The following NGFR variants were observed in gnomAD, a reference collection of about 807,000 sequenced individuals.
NGFR encodes the protein tumor necrosis factor receptor superfamily member 16.
A neutral mutation model predicts 43.2 loss-of-function variants in NGFR; 30 were observed. The ratio of observed to expected loss-of-function variants is 0.69; its 90% CI spans 0.52 to 0.94. NGFR has a LOEUF of 0.94. NGFR is among the 40% of genes least tolerant of loss of function. NGFR has a pLI of 0.00. For missense variants in NGFR, 529 were observed against 602.5 expected (o/e 0.88, Z 1.28); for synonymous variants, 246 against 259.6 (o/e 0.95, Z 0.50).
intron 2 of NGFR, among the ~76,000 whole-genome samples, chr17:49,503,435 G>A (rs138156367): frequency 1.3e-4 from 20 of 152,252 alleles, no homozygotes; most frequent in African/African-American, 2.2e-4. Context: ...CCTGGCACTC[G>A]ATGCCCACCT....
In NGFR at chr17:49,506,527, G is replaced by A; in HGVS notation, c.437G>A (p.Cys146Tyr). The stretch of plus-strand genomic sequence containing the variant: ...TGCCAGGACAAGCAGAACACCGTGT[G>A]CGAGGAGTGCCCCGACGGCACGTAT... ...FSCQDKQNTV[C>Y]EECPDGTYSD... Residue 146 changes from cysteine (C) to tyrosine (Y), a missense_variant, in exon 3 of 6, where the codon TGC becomes TAC. Coordinates refer to ENST00000172229, the MANE Select transcript of NGFR (RefSeq NM_002507.4). The A allele has an allele frequency of 6.2e-7, 1 of 1,611,900 alleles. No individual in the cohort carries two copies.
chr17:49,512,880 C>T lies in NGFR; in HGVS notation c.1155C>T (p.Ala385=). 6 of 1,613,200 alleles carry T rather than the reference C, an allele frequency of 3.7e-6. No homozygotes were observed. The highest frequency in any genetic ancestry group is 5.1e-6 in the Non-Finnish European group (6 of 1,179,856). Residue 385 remains alanine (A), a synonymous_variant, in exon 6 of 6, where the codon GCC becomes GCT. Coordinates refer to ENST00000172229, the MANE Select transcript of NGFR (RefSeq NM_002507.4). This position sits in a 1 kb window ranked among gnomAD's most constrained non-coding sequence, Gnocchi z 5.2. ...CCCATGAGGCCTGCCCCGTTCGCGC[C>T]CTGCTTGCAAGCTGGGCCACCCAGG... is the stretch of plus-strand genomic sequence containing the variant. ...SFTHEACPVR[A]LLASWATQDS...
At chr17:49,503,975 G>C (rs1489285487) in intron 2 of NGFR, among the ~76,000 whole-genome samples, 1 of 152,146 alleles carries the variant, frequency 6.6e-6, no homozygotes, top group Non-Finnish European at 1.5e-5. Context: ...GAGGCAGGCA[G>C]AGAGGTGGCT....
chr17:49,498,767 A>G (rs2071152315), intron 1 of NGFR, among the ~76,000 whole-genome samples: 1 of 152,226 alleles, frequency 6.6e-6, no homozygotes, highest in South Asian at 2.1e-4. Context: ...TAAGTGTAAC[A>G]CATACAAATT....
chr17:49,506,549 G>T lies in NGFR; in HGVS notation c.459G>T (p.Thr153=). 6.2e-7 allele frequency: 1 copy of T among 1,611,742 alleles called. No individual in the cohort carries two copies. Among genetic ancestry groups the T allele is most frequent in the East Asian group, 2.2e-5 (1 of 44,850 alleles). The part of the protein sequence containing the change: ...NTVCEECPDG[T]YSDEANHVDP... ...TGTGCGAGGAGTGCCCCGACGGCAC[G>T]TATTCCGACGAGGCCAACCACGTGG... The change falls in exon 3 of 6, where the codon ACG becomes ACT. Residue 153 remains threonine (T), a synonymous_variant. Transcript: ENST00000172229.
chr17:49,502,162 C>G lies in NGFR; in HGVS notation c.166C>G (p.Pro56Ala), dbSNP rs1358588774. The G allele has an allele frequency of 7.4e-6, 12 of 1,611,714 alleles. No homozygotes were observed. The highest frequency in any genetic ancestry group is 1.1e-5 in the South Asian group (1 of 90,960). Residue 56 changes from proline (P) to alanine (A), a missense_variant, in exon 2 of 6, where the codon CCT becomes GCT. Coordinates refer to ENST00000172229, the MANE Select transcript of NGFR (RefSeq NM_002507.4). ...CAACCTGGGCGAGGGTGTGGCCCAG[C>G]CTTGTGGAGCCAACCAGACCGTGTG... Reference protein sequence around the residue: ...ACNLGEGVAQPCGANQTVCEP... With the variant: ...ACNLGEGVAQACGANQTVCEP...
Position 49,512,048 on chromosome 17 carries a change from C to T in NGFR, c.978C>T (p.Gly326=). The T allele has an allele frequency of 6.2e-7, 1 of 1,612,930 alleles. No homozygotes were observed. Among genetic ancestry groups the T allele is most frequent in the South Asian group, 1.1e-5 (1 of 90,934 alleles). ...AGCCCCACACGCAGACAGCCTCGGG[C>T]CAGGGTGAGCAGCGGCCCGCTGGGG... ...DQQPHTQTAS[G]QALKGDGGLY... is the part of the protein sequence containing the mutation. The change falls in exon 5 of 6, where the codon GGC becomes GGT. Residue 326 remains glycine (G), a synonymous_variant. Coordinates refer to ENST00000172229, the MANE Select transcript of NGFR (RefSeq NM_002507.4). The surrounding 1 kb of genome is among the most constrained non-coding windows in gnomAD (Gnocchi z 5.2).
chr17:49,501,999 A>ATGGCCCCCCCCCCCC, intron 1 of NGFR, 64 bp from the exon 2 acceptor site: 16 of 330,980 alleles, frequency 4.8e-5, no homozygotes, highest in Non-Finnish European at 7.0e-5. Flanking sequence ...TCCCCGGAAG[A>ATGGCCCCCCCCCCCC]ACCCCCCCCA....
rs1272269474 is a variant in NGFR at position 49,513,262 on chromosome 17, C to G, written c.*253C>G. On this transcript the variant is annotated 3_prime_UTR_variant, in exon 6 of 6. Transcript: ENST00000172229. ...GCTGCCTCCCCAACCCTGCCCCTGC[C>G]CCGTCACCATCTCAGGCCACCTGCC... 2.0e-6 allele frequency: 1 copy of G among 497,856 alleles called. No individual in the cohort carries two copies. Among genetic ancestry groups the G allele is most frequent in the Non-Finnish European group, 3.5e-6 (1 of 283,756 alleles). The allele number at this position is 497,856 out of a possible 1,614,324, so 30.8% of individuals were successfully genotyped here. A position where few individuals can be genotyped will look rare whatever the true frequency, so the allele number is the denominator to read the frequency against.
At chr17:49,501,389 C>A (rs2071166157) in intron 1 of NGFR, among the ~76,000 whole-genome samples, 1 of 152,242 alleles carries the variant, frequency 6.6e-6, no homozygotes, top group Non-Finnish European at 1.5e-5. Flanking sequence ...GCCCTGGCAC[C>A]AGGCTGTTGC....
chr17:49,506,059 G>C, intron 2 of NGFR: 1 of 669,404 alleles, frequency 1.5e-6, no homozygotes, highest in Non-Finnish European at 2.3e-6. Flanking sequence ...CCTCCCGGCC[G>C]GCCAGTGCTT....
Position 49,513,350 on chromosome 17 carries a change from G to A in NGFR, c.*341G>A. On this transcript the variant is annotated 3_prime_UTR_variant, in exon 6 of 6. Coordinates refer to ENST00000172229, the MANE Select transcript of NGFR (RefSeq NM_002507.4). ...ACCACAGCAGGTGTCATATATGGGG[G>A]GCCAACACCAGGGATGGTACTAGGG... 1 of 323,924 alleles carries A rather than the reference G, an allele frequency of 3.1e-6. No individual in the cohort carries two copies. Among genetic ancestry groups the A allele is most frequent in the South Asian group, 6.2e-5 (1 of 16,030 alleles). 20.1% of individuals were successfully genotyped at this position (323,924 alleles called of 1,614,324 possible). A position where few individuals can be genotyped will look rare whatever the true frequency, so the allele number is the denominator to read the frequency against.
At chr17:49,506,231 G>A (rs1017974120) in intron 2 of NGFR, 68 bp from the exon 3 acceptor site, 1 of 1,502,240 alleles carries the variant, frequency 6.7e-7, no homozygotes, top group Admixed American at 2.1e-5. Context: ...GGGAGGGAGA[G>A]ACTCCAGCTC....
At chr17:49,505,136 C>G (rs2071189493) in intron 2 of NGFR, among the ~76,000 whole-genome samples, 1 of 152,004 alleles carries the variant, frequency 6.6e-6, no homozygotes, top group Admixed American at 6.6e-5. Context: ...CTCATCCCCC[C>G]ACCACACCCC....
At position 49,506,712 on chromosome 17, in the gene NGFR, C is replaced by T. The variant is rs1252838384; in HGVS notation, c.568+54C>T. 8 of 1,291,374 alleles carry T rather than the reference C, an allele frequency of 6.2e-6. No homozygotes were observed. The South Asian group carries it at 1.1e-4, about 18-fold the overall frequency. The allele number at this position is 1,291,374 out of a possible 1,614,324, so 80.0% of individuals were successfully genotyped here. ...TGGGGGTGCGGGGGTGGGCTGGGGGCATAAGGAAGGGCGCTCTCTGGAGGT... is the reference window on the plus strand; with the variant it reads ...TGGGGGTGCGGGGGTGGGCTGGGGGTATAAGGAAGGGCGCTCTCTGGAGGT... On this transcript the variant is annotated intron_variant, in intron 3 of 5. Coordinates refer to ENST00000172229, the MANE Select transcript of NGFR (RefSeq NM_002507.4).
chr17:49,495,330 G>C lies in NGFR; in HGVS notation c.-88G>C, dbSNP rs534686344. ...GCCGCGGCCAGCTCCGGCGGGCAGG[G>C]GGGGCGCTGGAGCGCAGCGCAGCGC... is the stretch of plus-strand genomic sequence containing the variant. On this transcript the variant is annotated 5_prime_UTR_variant, in exon 1 of 6. Transcript: ENST00000172229. The surrounding 1 kb of genome is among the most constrained non-coding windows in gnomAD (Gnocchi z 6.4). 15 of 1,078,950 alleles carry C rather than the reference G, an allele frequency of 1.4e-5. No homozygotes were observed. The highest frequency in any genetic ancestry group is 6.8e-4 in the Middle Eastern group (2 of 2,942). 66.8% of individuals were successfully genotyped at this position (1,078,950 alleles called of 1,614,324 possible).
chr17:49,502,000 A>AGGGGG, intron 1 of NGFR, 63 bp from the exon 2 acceptor site: 7 of 264,882 alleles, frequency 2.6e-5, no homozygotes, highest in Non-Finnish European at 4.7e-5. Context: ...CCCCGGAAGA[A>AGGGGG]CCCCCCCCAA....
chr17:49,512,985 G>A lies in NGFR; in HGVS notation c.1260G>A (p.Glu420=). 6.3e-7 allele frequency: 1 copy of A among 1,587,234 alleles called. No individual in the cohort carries two copies. Among genetic ancestry groups the A allele is most frequent in the Non-Finnish European group, 8.6e-7 (1 of 1,164,992 alleles). ...ACCTCGTGGAGAGTCTGTGCAGTGAGTCCACTGCCACATCCCCGGTGTGAG... is the reference window on the plus strand; with the variant it reads ...ACCTCGTGGAGAGTCTGTGCAGTGAATCCACTGCCACATCCCCGGTGTGAG... The part of the protein sequence containing the change: ...RADLVESLCS[E]STATSPV The change falls in exon 6 of 6, where the codon GAG becomes GAA. Residue 420 remains glutamate (E), a synonymous_variant. Transcript: ENST00000172229. The surrounding 1 kb of genome is among the most constrained non-coding windows in gnomAD (Gnocchi z 5.2).
chr17:49,502,007 C>T lies in NGFR; in HGVS notation c.67-56C>T, dbSNP rs1014560387. The T allele has an allele frequency of 2.2e-5, 15 of 667,464 alleles. 2 individuals are homozygous for T. The highest frequency in any genetic ancestry group is 5.8e-5 in the Admixed American group (2 of 34,760). The allele number at this position is 667,464 out of a possible 1,614,324, so 41.3% of individuals were successfully genotyped here. A position where few individuals can be genotyped will look rare whatever the true frequency, so the allele number is the denominator to read the frequency against. The stretch of plus-strand genomic sequence containing the variant: ...GTTTGATTCCCCGGAAGAACCCCCC[C>T]CAACCCACCCCAGCTTTCTCTTGCC... On this transcript the variant is annotated intron_variant, in intron 1 of 5. Coordinates refer to ENST00000172229, the MANE Select transcript of NGFR (RefSeq NM_002507.4).
Sources: gnomAD v4.1 joint callset for allele counts (sites outside exome capture counted in the v4.1 genomes callset) on GRCh38, gnomAD v4.1.1 for gene constraint, Gnocchi (gnomAD v3.1) non-coding constraint, MANE v1.5 for transcripts, NCBI Gene and HGNC (gene_info 2026-07-23, HGNC 2026-07-21) for gene names.